The following ITPRID1 variants were observed in gnomAD, a reference collection of about 807,000 sequenced individuals.
ITPRID1 encodes the protein ITPR interacting domain containing 1.
ITPRID1 carries 96 observed loss-of-function variants against 95.4 expected under a neutral mutation model. The observed-to-expected ratio is 1.01, with a 90% confidence interval of 0.85 to 1.19. The LOEUF is 1.19. Among genes scored for constraint, ITPRID1 ranks in the 50% most tolerant of loss-of-function variants. The probability of loss-of-function intolerance (pLI) is 0.00; values close to 1 mark genes in which losing one functional copy is unlikely to be tolerated. For missense variants in ITPRID1, 1,339 were observed against 1,252.9 expected, an observed-to-expected ratio of 1.07 and a Z score of -1.04; for synonymous variants, 510 against 453.6, an observed-to-expected ratio of 1.12 and a Z score of -1.58.
chr7:31,601,074 C>CTTTTATTTCCTTCTATTTGT (rs1786375303), intron 10 of ITPRID1, among the ~76,000 whole-genome samples: 1 of 151,882 alleles, frequency 6.6e-6, no homozygotes, highest in Non-Finnish European at 1.5e-5. Context: ...GCTGAAGATA[C>CTTTTATTTCCTTCTATTTGT]AAATAGAAGG....
At chr7:31,525,462 A>G (rs750243244) in intron 1 of ITPRID1, among the ~76,000 whole-genome samples, 3 of 152,224 alleles carry the variant, frequency 2.0e-5, no homozygotes, top group Non-Finnish European at 4.4e-5. Context: ...TTGGGGAAAA[A>G]TCAGTGCTAG....
chr7:31,531,112 C>T (rs1444494582), intron 1 of ITPRID1, among the ~76,000 whole-genome samples: 1 of 152,198 alleles, frequency 6.6e-6, no homozygotes, highest in Admixed American at 6.5e-5. Flanking sequence ...GGGTGCAGAG[C>T]TGCTCTGTGC....
chr7:31,602,192 T>C (rs1210618993), intron 10 of ITPRID1, among the ~76,000 whole-genome samples: 2 of 152,204 alleles, frequency 1.3e-5, no homozygotes, highest in Non-Finnish European at 2.9e-5. Context: ...ATTTTATCAT[T>C]GTTATAAATA....
intron 10 of ITPRID1, among the ~76,000 whole-genome samples, chr7:31,605,765 G>A (rs1298321369): frequency 7.9e-5 from 12 of 152,180 alleles, no homozygotes; most frequent in South Asian, 6.2e-4. Context: ...CTCTTCCTGG[G>A]AAAGTTGAAG....
chr7:31,625,259 C>A (rs1291714576), intron 10 of ITPRID1, among the ~76,000 whole-genome samples: 3 of 137,050 alleles, frequency 2.2e-5, no homozygotes, highest in African/African-American at 8.2e-5. Context: ...TTGACCCAGC[C>A]ATCCCATTAC....
intron 1 of ITPRID1, among the ~76,000 whole-genome samples, chr7:31,538,663 T>C (rs1464788735): frequency 6.6e-6 from 1 of 152,222 alleles, no homozygotes; most frequent in Admixed American, 6.5e-5. Context: ...CATAATTACA[T>C]TTCATTTATT....
intron 1 of ITPRID1, among the ~76,000 whole-genome samples, chr7:31,542,579 C>T (rs994239606): frequency 6.6e-6 from 1 of 152,080 alleles, no homozygotes; most frequent in Non-Finnish European, 1.5e-5. Context: ...TGTCTGTGGA[C>T]TAGACTGCCT....
chr7:31,536,568 C>T (rs1385563188), intron 1 of ITPRID1, among the ~76,000 whole-genome samples: 1 of 151,954 alleles, frequency 6.6e-6, no homozygotes, highest in African/African-American at 2.4e-5. Flanking sequence ...TATATATAAA[C>T]CAAAAAAGAT....
At chr7:31,606,182 T>G (rs918329206) in intron 10 of ITPRID1, among the ~76,000 whole-genome samples, 1 of 152,206 alleles carries the variant, frequency 6.6e-6, no homozygotes, top group African/African-American at 2.4e-5. Flanking sequence ...TGCCTTCTGA[T>G]AAATAGGACT....
rs557045070 is a variant in ITPRID1 at position 31,651,813 on chromosome 7, C to T, written c.2712-126C>T. The T allele has an allele frequency of 1.3e-5, 8 of 621,434 alleles. No homozygotes were observed. In the African/African-American group the frequency reaches 1.3e-4, roughly 10 times the overall value. The allele number at this position is 621,434 out of a possible 1,614,324, so 38.5% of individuals were successfully genotyped here. On this transcript the variant is annotated intron_variant, in intron 13 of 14. Transcript: ENST00000615280. ...CAACCTTAGTAATGTCTCCAGCTGACACAAATAAAGATGACATTCTCTTTT... is the reference window on the plus strand; with the variant it reads ...CAACCTTAGTAATGTCTCCAGCTGATACAAATAAAGATGACATTCTCTTTT...
intron 10 of ITPRID1, among the ~76,000 whole-genome samples, chr7:31,631,280 A>G (rs1207042493): frequency 6.6e-6 from 1 of 152,242 alleles, no homozygotes; most frequent in East Asian, 1.9e-4. Context: ...TCACAAACAC[A>G]TATGCGTGCG....
chr7:31,591,697 C>T (rs1169467410), intron 10 of ITPRID1, among the ~76,000 whole-genome samples: 1 of 152,162 alleles, frequency 6.6e-6, no homozygotes, highest in East Asian at 1.9e-4. Flanking sequence ...TTGGAAACAT[C>T]AGGGTGACAT....
chr7:31,613,552 CTGTT>C (rs67325228), intron 10 of ITPRID1, among the ~76,000 whole-genome samples: 6,503 of 152,092 alleles, frequency 0.043, 416 homozygotes, highest in African/African-American at 0.14. Flanking sequence ...TATATTTGCT[CTGTT>C]TGTTAGTCAG....
chr7:31,616,200 CATCTT>C (rs66539133), intron 10 of ITPRID1, among the ~76,000 whole-genome samples: 48,774 of 151,624 alleles, frequency 0.32, 8,207 homozygotes, highest in East Asian at 0.54. Context: ...ATATTAATAA[CATCTT>C]AAATTGACCA....
At chr7:31,529,054 C>T (rs976871761) in intron 1 of ITPRID1, among the ~76,000 whole-genome samples, 3 of 152,146 alleles carry the variant, frequency 2.0e-5, no homozygotes, top group Admixed American at 2.0e-4. Context: ...GTGAAATCGT[C>T]TCATCTCTCA....
At chr7:31,518,865 G>A (rs1199154821) in intron 1 of ITPRID1, among the ~76,000 whole-genome samples, 1 of 152,172 alleles carries the variant, frequency 6.6e-6, no homozygotes, top group Non-Finnish European at 1.5e-5. Context: ...AATTCCCACA[G>A]AGCAGACATT....
chr7:31,585,183 C>G (rs1785544254), intron 10 of ITPRID1, among the ~76,000 whole-genome samples: 1 of 152,168 alleles, frequency 6.6e-6, no homozygotes, highest in South Asian at 2.1e-4. Context: ...GGCCAGCCCA[C>G]AGAGTCAGGA....
intron 1 of ITPRID1, among the ~76,000 whole-genome samples, chr7:31,523,365 A>C (rs907614278): frequency 1.3e-5 from 2 of 152,204 alleles, no homozygotes; most frequent in African/African-American, 4.8e-5. Flanking sequence ...TGACTCTTTA[A>C]ACTGATTGCA....
intron 1 of ITPRID1, among the ~76,000 whole-genome samples, chr7:31,524,726 C>T (rs1278826426): frequency 2.0e-5 from 3 of 152,058 alleles, no homozygotes; most frequent in East Asian, 1.9e-4. Context: ...TTTGAATTGG[C>T]CTGCTTCTAA....
Sources: gnomAD v4.1 joint callset for allele counts (sites outside exome capture counted in the v4.1 genomes callset) on GRCh38, gnomAD v4.1.1 for gene constraint, MANE v1.5 for transcripts, NCBI Gene and HGNC (gene_info 2026-07-23, HGNC 2026-07-21) for gene names.